AGBL4: variants seen among roughly 807,000 people sequenced by gnomAD.
AGBL4 encodes the protein cytosolic carboxypeptidase 6.
AGBL4 carries 58 observed loss-of-function variants against 66.4 expected under a neutral mutation model. The ratio of observed to expected loss-of-function variants is 0.87; its 90% confidence interval spans 0.71 to 1.09. The LOEUF is 1.09. AGBL4 is among the 50% of genes least tolerant of loss of function. The probability of loss-of-function intolerance (pLI) is 0.00; values close to 1 mark genes in which losing one functional copy is unlikely to be tolerated. For missense variants in AGBL4, 579 were observed against 631.0 expected (o/e 0.92, Z 0.88); for synonymous variants, 234 against 222.9 (o/e 1.05, Z -0.44).
chr1:48,833,736 T>C (rs1193994036), intron 6 of AGBL4, among the ~76,000 whole-genome samples: 1 of 152,122 alleles, frequency 6.6e-6, no homozygotes, highest in African/African-American at 2.4e-5. Flanking sequence ...TAAAGGAGAC[T>C]CAGAAATCAG....
At chr1:48,739,704 G>T (rs1202209494) in intron 6 of AGBL4, among the ~76,000 whole-genome samples, 1 of 152,194 alleles carries the variant, frequency 6.6e-6, no homozygotes. Context: ...AATGAGAAAA[G>T]ATGTGTAAAG....
intron 5 of AGBL4, among the ~76,000 whole-genome samples, chr1:49,027,461 C>T (rs900393703): frequency 1.3e-5 from 2 of 152,026 alleles, no homozygotes; most frequent in Non-Finnish European, 2.9e-5. Context: ...CCGTGCCCAG[C>T]CTAAAAATTA....
chr1:48,587,174 A>G lies in AGBL4; in HGVS notation c.1105-8T>C. 4.5e-6 allele frequency: 7 copies of G among 1,549,380 alleles called. No individual in the cohort carries two copies. The highest frequency in any genetic ancestry group is 5.2e-6 in the Non-Finnish European group (6 of 1,145,846). ...GTTAAAGGATGTGCTGGACTGTGAAAGACAGAGTAGGGAGGAGAGAATCAC... is the reference window on the plus strand; with the variant it reads ...GTTAAAGGATGTGCTGGACTGTGAAGGACAGAGTAGGGAGGAGAGAATCAC... On this transcript the variant is annotated splice_polypyrimidine_tract_variant and splice_region_variant and intron_variant, in intron 10 of 13. Coordinates refer to ENST00000371839, the MANE Select transcript of AGBL4 (RefSeq NM_032785.4).
intron 5 of AGBL4, among the ~76,000 whole-genome samples, chr1:48,959,437 A>G (rs965027521): frequency 1.3e-5 from 2 of 152,218 alleles, no homozygotes; most frequent in Admixed American, 1.3e-4. Flanking sequence ...GGCACTAGAA[A>G]TATAGTAATG....
At chr1:49,148,414 C>T (rs954084769) in intron 4 of AGBL4, among the ~76,000 whole-genome samples, 1 of 152,212 alleles carries the variant, frequency 6.6e-6, no homozygotes, top group Non-Finnish European at 1.5e-5. Flanking sequence ...CCCTACCTAC[C>T]TATTGTGGGT....
intron 4 of AGBL4, among the ~76,000 whole-genome samples, chr1:49,066,782 G>A (rs1644499968): frequency 6.6e-6 from 1 of 152,154 alleles, no homozygotes; most frequent in Non-Finnish European, 1.5e-5. Context: ...TTGATCAAAA[G>A]TGCCTTTGAA....
intron 4 of AGBL4, among the ~76,000 whole-genome samples, chr1:49,129,077 C>G (rs1001877791): frequency 2.0e-5 from 3 of 151,856 alleles, no homozygotes; most frequent in Admixed American, 1.3e-4. Flanking sequence ...AACCCACAAA[C>G]AAATGGACAA....
intron 3 of AGBL4, among the ~76,000 whole-genome samples, chr1:49,604,168 G>C (rs1571155411): frequency 6.6e-6 from 1 of 152,028 alleles, no homozygotes; most frequent in South Asian, 2.1e-4. Flanking sequence ...TTTCATAGAG[G>C]CTGTACTAAT....
chr1:49,176,208 G>C (rs1646828787), intron 4 of AGBL4, among the ~76,000 whole-genome samples: 1 of 152,148 alleles, frequency 6.6e-6, no homozygotes. Flanking sequence ...TGTAAACTAT[G>C]TACCATGTTG....
chr1:49,431,705 C>T (rs1645790463), intron 3 of AGBL4, among the ~76,000 whole-genome samples: 1 of 151,996 alleles, frequency 6.6e-6, no homozygotes, highest in South Asian at 2.1e-4. Context: ...CATAAACATT[C>T]CGTGGAGAAA....
intron 8 of AGBL4, among the ~76,000 whole-genome samples, chr1:48,646,421 T>C (rs1010039223): frequency 1.3e-5 from 2 of 152,164 alleles, no homozygotes; most frequent in Admixed American, 1.3e-4. Context: ...ATATTTTACA[T>C]GGCTGATTTT....
Position 48,801,619 on chromosome 1 carries a change from G to A in AGBL4, c.634+65572C>T, listed in dbSNP as rs559136064. The stretch of plus-strand genomic sequence containing the variant: ...AGGTAAGGTTAAATCCTTCTTCTGT[G>A]TTCTGGATTTTCAGGTTCCCCAGTG... On this transcript the variant is annotated intron_variant, in intron 6 of 13. Coordinates refer to ENST00000371839, the MANE Select transcript of AGBL4 (RefSeq NM_032785.4). 2.4e-4 allele frequency among the ~76,000 whole-genome samples: 37 copies of A among 152,272 alleles called. No homozygotes were observed. The South Asian group carries it at 5.2e-3, about 21-fold the overall frequency.
chr1:48,978,851 A>G (rs1040191394), intron 5 of AGBL4, among the ~76,000 whole-genome samples: 68 of 152,290 alleles, frequency 4.5e-4, no homozygotes, highest in African/African-American at 1.6e-3. Flanking sequence ...AATAGCTGCA[A>G]TGTTTTCAAT....
chr1:50,015,221 G>A (rs972273307), intron 1 of AGBL4, among the ~76,000 whole-genome samples: 3 of 151,952 alleles, frequency 2.0e-5, no homozygotes, highest in South Asian at 2.1e-4. Flanking sequence ...CTTGAACTAC[G>A]ACCACTACCC....
chr1:49,547,825 G>A (rs1215152659), intron 3 of AGBL4, among the ~76,000 whole-genome samples: 6 of 151,310 alleles, frequency 4.0e-5, no homozygotes. Context: ...CCAGGCTGGA[G>A]TGCAGTGCCA....
At chr1:49,423,638 C>G (rs1645593289) in intron 3 of AGBL4, among the ~76,000 whole-genome samples, 1 of 151,814 alleles carries the variant, frequency 6.6e-6, no homozygotes, top group Non-Finnish European at 1.5e-5. Context: ...GATGAAACCC[C>G]CTCTTTACTA....
At chr1:48,600,588 A>G (rs1645060865) in intron 9 of AGBL4, among the ~76,000 whole-genome samples, 1 of 152,312 alleles carries the variant, frequency 6.6e-6, no homozygotes, top group African/African-American at 2.4e-5. Flanking sequence ...AATTATAACA[A>G]TCCTATAAGG....
intron 3 of AGBL4, among the ~76,000 whole-genome samples, chr1:49,302,540 C>CCACT (rs1322016012): frequency 6.6e-6 from 1 of 151,326 alleles, no homozygotes; most frequent in African/African-American, 2.4e-5. Flanking sequence ...CAGGCATAAG[C>CCACT]CACTGTGCCC....
chr1:49,872,778 A>G (rs1646869231), intron 1 of AGBL4, among the ~76,000 whole-genome samples: 1 of 152,138 alleles, frequency 6.6e-6, no homozygotes, highest in Admixed American at 6.6e-5. Context: ...TGACAAATAA[A>G]TTGATACTAC....
Sources: gnomAD v4.1 joint callset for allele counts (sites outside exome capture counted in the v4.1 genomes callset) on GRCh38, gnomAD v4.1.1 for gene constraint, MANE v1.5 for transcripts, NCBI Gene and HGNC (gene_info 2026-07-23, HGNC 2026-07-21) for gene names.